Variants in USP15 observed in about 807,000 individuals in gnomAD.
The protein encoded by USP15 is ubiquitin specific peptidase 15.
In USP15, 18 loss-of-function variants were observed where a neutral mutation model predicts 127.1. The observed-to-expected ratio is 0.14, with a 90% CI of 0.10 to 0.21. The LOEUF is 0.21. Among genes scored for constraint, USP15 ranks in the 10% least tolerant of loss-of-function variants. USP15 has a pLI of 1.00. For synonymous variants in USP15, 364 were observed against 393.7 expected (o/e 0.92, Z 0.89); for missense variants, 805 against 1,159.9 (o/e 0.69, Z 4.44).
At chr12:62,326,491 T>C (rs1166920918) in intron 6 of USP15, among the ~76,000 whole-genome samples, 2 of 152,184 alleles carry the variant, frequency 1.3e-5, no homozygotes, top group African/African-American at 2.4e-5. Flanking sequence ...CTCAAAGCTC[T>C]AAGAAGTAAT....
At chr12:62,326,412 T>G (rs1325832058) in intron 6 of USP15, among the ~76,000 whole-genome samples, 1 of 120,820 alleles carries the variant, frequency 8.3e-6, no homozygotes, top group Non-Finnish European at 1.9e-5. Context: ...TTTTTATCTG[T>G]TTTAGAACTA....
intron 8 of USP15, among the ~76,000 whole-genome samples, chr12:62,364,545 AT>A (rs1205642792): frequency 3.9e-5 from 6 of 151,928 alleles, no homozygotes; most frequent in Non-Finnish European, 8.8e-5. Context: ...GAATGGAATT[AT>A]TTTTTTAATT....
chr12:62,314,969 A>T (rs1476498655), intron 4 of USP15, 53 bp downstream of exon 4: 1 of 1,431,768 alleles, frequency 7.0e-7, no homozygotes, highest in Non-Finnish European at 9.2e-7. Flanking sequence ...ATATTTAATT[A>T]GAATTATCTT....
intron 6 of USP15, among the ~76,000 whole-genome samples, chr12:62,344,067 CTT>C (rs147345638): frequency 0.011 from 1,735 of 152,228 alleles, 39 homozygotes; most frequent in African/African-American, 0.04. Context: ...AATCTCATCT[CTT>C]CACATTTCAA....
At chr12:62,336,211 C>T in intron 6 of USP15, 2 of 985,438 alleles carry the variant, frequency 2.0e-6, no homozygotes, top group South Asian at 4.7e-5. Flanking sequence ...CTCAAACTGA[C>T]ACAAAATATG....
intron 3 of USP15, among the ~76,000 whole-genome samples, chr12:62,313,669 C>T (rs961949282): frequency 6.6e-6 from 1 of 151,616 alleles, no homozygotes; most frequent in African/African-American, 2.4e-5. Flanking sequence ...AAACAAATCT[C>T]AGTAGTTTAA....
chr12:62,411,231 CAGAT>C lies in USP15; in HGVS notation c.*6859_*6862del, dbSNP rs1241503101. Reference sequence around the variant, plus strand: ...ATGTACACAAAGTCTGGAGACAACTCAGATAGTCACTACATCCTCTTGCTCTTTC... The same window carrying C: ...ATGTACACAAAGTCTGGAGACAACTCAGTCACTACATCCTCTTGCTCTTTC... On this transcript the variant is annotated 3_prime_UTR_variant, in exon 22 of 22. Transcript: ENST00000280377. The C allele has an allele frequency of 1.3e-5, 2 of 152,216 alleles. No homozygotes were observed. The highest frequency in any genetic ancestry group is 2.1e-4 in the South Asian group (1 of 4,840). 9.4% of individuals were successfully genotyped at this position (152,216 alleles called of 1,614,324 possible).
intron 6 of USP15, chr12:62,335,541 C>T (rs975023334): frequency 9.1e-7 from 1 of 1,094,660 alleles, no homozygotes; most frequent in African/African-American, 1.6e-5. Flanking sequence ...ATTATCTCCT[C>T]TCTCCTACAT....
At chr12:62,394,563 A>G (rs1376150059) in intron 19 of USP15, among the ~76,000 whole-genome samples, 1 of 152,182 alleles carries the variant, frequency 6.6e-6, no homozygotes, top group Non-Finnish European at 1.5e-5. Flanking sequence ...AAGAAAAAGA[A>G]TCAGGGCTGG....
intron 2 of USP15, among the ~76,000 whole-genome samples, chr12:62,300,771 G>A (rs1449638976): frequency 6.6e-6 from 1 of 152,122 alleles, no homozygotes; most frequent in Non-Finnish European, 1.5e-5. Flanking sequence ...ATGGATTATA[G>A]ACCTGAATGT....
intron 1 of USP15, among the ~76,000 whole-genome samples, chr12:62,281,057 G>A (rs1437082794): frequency 1.5e-4 from 23 of 152,108 alleles, no homozygotes; most frequent in Admixed American, 1.5e-3. Flanking sequence ...TTTGTTCATT[G>A]TTTGTAGTCT....
intron 8 of USP15, among the ~76,000 whole-genome samples, chr12:62,368,162 T>G (rs1396300283): frequency 2.0e-5 from 3 of 152,230 alleles, no homozygotes; most frequent in African/African-American, 7.2e-5. Flanking sequence ...GATTTTACTG[T>G]GGTCTGAGAG....
intron 4 of USP15, among the ~76,000 whole-genome samples, chr12:62,320,964 A>G (rs2064969635): frequency 1.3e-5 from 2 of 152,270 alleles, no homozygotes; most frequent in East Asian, 1.9e-4. Flanking sequence ...GTGAATACAG[A>G]CATCCCTTCA....
intron 21 of USP15, among the ~76,000 whole-genome samples, chr12:62,402,177 A>G (rs2067711360): frequency 6.6e-6 from 1 of 151,808 alleles, no homozygotes; most frequent in South Asian, 2.1e-4. Context: ...ATAGTATACA[A>G]ATTTGAGGTT....
intron 6 of USP15, among the ~76,000 whole-genome samples, chr12:62,342,812 G>A (rs914772234): frequency 2.6e-5 from 4 of 152,132 alleles, no homozygotes; most frequent in African/African-American, 7.2e-5. Flanking sequence ...GCCAGCCGGA[G>A]CTCTCCCGTA....
intron 14 of USP15, among the ~76,000 whole-genome samples, 195 bp from the exon 15 acceptor site, chr12:62,390,669 A>G (rs2067296423): frequency 6.6e-6 from 1 of 152,140 alleles, no homozygotes; most frequent in South Asian, 2.1e-4. Flanking sequence ...CATATTAATT[A>G]TTTTTATAAA....
intron 6 of USP15, among the ~76,000 whole-genome samples, chr12:62,330,411 A>T (rs1415954141): frequency 1.3e-5 from 2 of 151,844 alleles, no homozygotes; most frequent in African/African-American, 4.8e-5. Context: ...CAACATGGTG[A>T]AACCCCATCT....
Position 62,389,621 on chromosome 12 carries a change from T to C in USP15, c.1574T>C (p.Ile525Thr), listed in dbSNP as rs776002075. ...TCCTTTTAGATGATAGTTACTGATA[T>C]ATACAATCATAGATTTCACAGAATA... ...IPADKMIVTD[I>T]YNHRFHRIFA... Residue 525 changes from isoleucine to threonine, a missense_variant, in exon 13 of 22, where the codon ATA becomes ACA. By Grantham distance (89) the Ile-to-Thr change is moderately conservative. Around this residue, in one of 11 missense-constraint regions of USP15, gnomAD observed 82 missense variants for 104.4 expected, o/e 0.79. Transcript: ENST00000280377. 5 of 1,612,642 alleles carry C rather than the reference T, an allele frequency of 3.1e-6. No homozygotes were observed. The highest frequency in any genetic ancestry group is 1.7e-4 in the Middle Eastern group (1 of 6,052).
intron 20 of USP15, among the ~76,000 whole-genome samples, chr12:62,396,783 T>TATCTG (rs1352876635): frequency 6.6e-6 from 1 of 152,224 alleles, no homozygotes; most frequent in East Asian, 1.9e-4. Context: ...TATGAAGACT[T>TATCTG]ATCTGTGTTG....
Sources: allele counts gnomAD v4.1 joint callset (sites outside exome capture counted in the v4.1 genomes callset), GRCh38; gene constraint gnomAD v4.1.1; regional missense constraint gnomAD v4.1.1; transcripts MANE v1.5; gene names NCBI Gene and HGNC (gene_info 2026-07-23, HGNC 2026-07-21).